ATF7IP: variants seen among roughly 807,000 people sequenced by gnomAD.
ATF7IP encodes activating transcription factor 7-interacting protein 1.
In ATF7IP, 23 loss-of-function variants were observed where a neutral mutation model predicts 106.4. That is an observed-to-expected ratio of 0.22 (90% CI 0.16 to 0.31). The LOEUF (loss-of-function observed/expected upper bound fraction) is 0.31. Ranked by LOEUF, ATF7IP falls within the 10% of genes least tolerant of loss-of-function variation. ATF7IP has a pLI of 1.00. For synonymous variants in ATF7IP, 542 were observed against 539.0 expected, an observed-to-expected ratio of 1.01 and a Z score of -0.08; for missense variants, 1,334 against 1,524.3, an observed-to-expected ratio of 0.88 and a Z score of 2.08.
rs1379510956 is a variant in ATF7IP, at chr12:14,494,384, CATATA to C, written c.3281-1841_3281-1837del. Among the ~76,000 whole-genome samples, 236 of 106,564 alleles carry C rather than the reference CATATA, an allele frequency of 2.2e-3. 2 individuals carry two copies. Among genetic ancestry groups the C allele is most frequent in the Admixed American group, 9.9e-3 (94 of 9,466 alleles). The allele number at this position is 106,564 out of a possible 152,430, so 69.9% of individuals were successfully genotyped here. Reference sequence around the variant, plus strand: ...ACATATGTTTCCTATATATAGTATTCATATAATATATACTATATATAAACTAATAG... The same window carrying C: ...ACATATGTTTCCTATATATAGTATTCATATATACTATATATAAACTAATAG... On this transcript the variant is annotated intron_variant, in intron 13 of 14. Transcript: ENST00000261168.
chr12:14,424,722 G>A lies in ATF7IP; in HGVS notation c.807G>A (p.Leu269=), dbSNP rs962128027. 6.2e-7 allele frequency: 1 copy of A among 1,614,028 alleles called. No homozygotes were observed. The highest frequency in any genetic ancestry group is 8.5e-7 in the Non-Finnish European group (1 of 1,179,986). ...CTAGTGAACTGGCCTCTGATGATCT[G>A]GCCACTGGTGAACTGGCCTCTGATG... is the stretch of plus-strand genomic sequence containing the variant. ...LSSSELASDD[L]ATGELASDEL... Residue 269 remains leucine (L), a synonymous_variant, in exon 2 of 15, where the codon CTG becomes CTA. Coordinates refer to ENST00000261168, the MANE Select transcript of ATF7IP (RefSeq NM_018179.5).
chr12:14,369,865 C>T (rs1938462623), intron 1 of ATF7IP, among the ~76,000 whole-genome samples: 1 of 151,740 alleles, frequency 6.6e-6, no homozygotes, highest in Non-Finnish European at 1.5e-5. Context: ...TATATTTAAC[C>T]TGGGGTCCAT....
intron 1 of ATF7IP, among the ~76,000 whole-genome samples, chr12:14,404,596 GGT>G (rs1037742048): frequency 3.3e-5 from 5 of 152,006 alleles, no homozygotes; most frequent in Admixed American, 3.3e-4. Flanking sequence ...GTCATACCCT[GGT>G]GTGTGTATGT....
chr12:14,422,773 G>T (rs1380031661), intron 1 of ATF7IP, among the ~76,000 whole-genome samples: 1 of 152,104 alleles, frequency 6.6e-6, no homozygotes, highest in African/African-American at 2.4e-5. Context: ...TAGGGGTATG[G>T]CACATTTTAT....
At chr12:14,422,442 AT>A (rs1465375515) in intron 1 of ATF7IP, among the ~76,000 whole-genome samples, 3 of 152,042 alleles carry the variant, frequency 2.0e-5, no homozygotes, top group Non-Finnish European at 4.4e-5. Context: ...TTAAAGTACA[AT>A]TCAGTTATTT....
At chr12:14,415,594 GA>G (rs1461865371) in intron 1 of ATF7IP, among the ~76,000 whole-genome samples, 1 of 152,080 alleles carries the variant, frequency 6.6e-6, no homozygotes, top group Non-Finnish European at 1.5e-5. Context: ...GTGACAGGCA[GA>G]GGGGTTAATT....
At chr12:14,475,135 A>G (rs4346018) in intron 10 of ATF7IP, among the ~76,000 whole-genome samples, 49,813 of 152,086 alleles carry the variant, frequency 0.33, 9,342 homozygotes, top group Admixed American at 0.47. Flanking sequence ...TTATTAAGCA[A>G]TTGCCATGTA....
chr12:14,473,335 G>A (rs1944134077), intron 10 of ATF7IP, among the ~76,000 whole-genome samples: 1 of 113,194 alleles, frequency 8.8e-6, no homozygotes, highest in African/African-American at 3.3e-5. Context: ...TGTGTTTTAG[G>A]GGTTGTTCTA....
intron 1 of ATF7IP, among the ~76,000 whole-genome samples, chr12:14,368,804 T>G (rs953663460): frequency 6.6e-6 from 1 of 152,172 alleles, no homozygotes; most frequent in African/African-American, 2.4e-5. Flanking sequence ...AGTGTTACTG[T>G]TTTTCTTATT....
chr12:14,380,524 C>T (rs571927803), intron 1 of ATF7IP, among the ~76,000 whole-genome samples: 155 of 152,348 alleles, frequency 1.0e-3, no homozygotes, highest in African/African-American at 3.6e-3. Flanking sequence ...GAAATAGGCT[C>T]TGATTGCCAG....
intron 13 of ATF7IP, among the ~76,000 whole-genome samples, chr12:14,491,012 G>A (rs111832316): frequency 0.021 from 3,231 of 152,146 alleles, 77 homozygotes; most frequent in African/African-American, 0.059. Flanking sequence ...AAGATGACAG[G>A]GCTTTGCTCC....
intron 10 of ATF7IP, among the ~76,000 whole-genome samples, chr12:14,473,472 T>C (rs1944138662): frequency 6.6e-6 from 1 of 152,178 alleles, no homozygotes; most frequent in Admixed American, 6.5e-5. Flanking sequence ...GTGGTCTTGT[T>C]TGCACATATA....
At chr12:14,464,534 A>G (rs76520173) in intron 9 of ATF7IP, among the ~76,000 whole-genome samples, 7,686 of 152,260 alleles carry the variant, frequency 0.05, 670 homozygotes, top group African/African-American at 0.18. Flanking sequence ...GACGTATTCC[A>G]TATGATAGAA....
chr12:14,372,836 T>C (rs1938584976), intron 1 of ATF7IP, among the ~76,000 whole-genome samples: 1 of 152,148 alleles, frequency 6.6e-6, no homozygotes. Context: ...ACCTAGAAAT[T>C]ATGTGTCCAT....
At chr12:14,389,723 G>A (rs183950689) in intron 1 of ATF7IP, among the ~76,000 whole-genome samples, 52 of 152,226 alleles carry the variant, frequency 3.4e-4, no homozygotes, top group Non-Finnish European at 6.2e-4. Context: ...TGCCTCCCAG[G>A]TTCAAGCAAT....
chr12:14,476,060 G>A (rs1944253335), intron 11 of ATF7IP, 92 bp downstream of exon 11: 1 of 915,494 alleles, frequency 1.1e-6, no homozygotes, highest in Non-Finnish European at 1.7e-6. Context: ...GATGTTTATG[G>A]CATTATGCTT....
At chr12:14,490,346 G>C (rs1411671874) in intron 13 of ATF7IP, among the ~76,000 whole-genome samples, 1 of 152,170 alleles carries the variant, frequency 6.6e-6, no homozygotes, top group East Asian at 1.9e-4. Context: ...AGAGGTCCAT[G>C]CCCAGAGCTC....
chr12:14,458,826 A>G (rs1943536677), intron 8 of ATF7IP, among the ~76,000 whole-genome samples: 1 of 149,494 alleles, frequency 6.7e-6, no homozygotes, highest in Admixed American at 6.7e-5. Context: ...TTGTCTTAGA[A>G]AAAAAAAAAA....
At chr12:14,467,156 T>C (rs1254413080) in intron 10 of ATF7IP, among the ~76,000 whole-genome samples, 1 of 152,140 alleles carries the variant, frequency 6.6e-6, no homozygotes, top group Non-Finnish European at 1.5e-5. Context: ...TTCTTCCTTG[T>C]TCTTTATGGC....
Sources: gnomAD v4.1 joint callset for allele counts (sites outside exome capture counted in the v4.1 genomes callset) on GRCh38, gnomAD v4.1.1 for gene constraint, MANE v1.5 for transcripts, NCBI Gene and HGNC (gene_info 2026-07-23, HGNC 2026-07-21) for gene names.